The following NPAS2 variants were observed in gnomAD, a reference collection of about 807,000 sequenced individuals.
NPAS2 encodes neuronal PAS domain-containing protein 2.
In NPAS2, 23 loss-of-function variants were observed where a neutral mutation model predicts 107.5. The ratio of observed to expected loss-of-function variants is 0.21; its 90% CI spans 0.15 to 0.30. The LOEUF is 0.30. Among genes scored for constraint, NPAS2 ranks in the 10% least tolerant of loss-of-function variants. The probability of loss-of-function intolerance (pLI) is 1.00; values close to 1 mark genes in which losing one functional copy is unlikely to be tolerated. For synonymous variants in NPAS2, 403 were observed against 417.5 expected (o/e 0.97, Z 0.42); for missense variants, 756 against 1,043.3 (o/e 0.72, Z 3.79).
chr2:100,967,156 C>T (rs1676263349), intron 10 of NPAS2, among the ~76,000 whole-genome samples: 1 of 151,990 alleles, frequency 6.6e-6, no homozygotes, highest in Non-Finnish European at 1.5e-5. Flanking sequence ...TGGGCAAGAC[C>T]TCCTTGCCCT....
intron 1 of NPAS2, chr2:100,821,030 T>C (rs1185491125): frequency 7.7e-7 from 1 of 1,302,514 alleles, no homozygotes; most frequent in Non-Finnish European, 1.0e-6. Context: ...AGGTTGGATG[T>C]ATGCGTATGG....
At chr2:100,986,891 T>C (rs139187793) in intron 16 of NPAS2, 5 of 152,360 alleles carry the variant, frequency 3.3e-5, no homozygotes, top group African/African-American at 4.8e-5. Context: ...GGCAGACTTA[T>C]AAAGCTAAGA....
At chr2:100,982,569 G>A (rs1677514812) in intron 16 of NPAS2, 192 bp downstream of exon 16, 1 of 636,796 alleles carries the variant, frequency 1.6e-6, no homozygotes, top group Non-Finnish European at 2.7e-6. Context: ...CTGCCTCCAG[G>A]CCACACCCCT....
At chr2:100,898,249 C>T (rs750606428) in intron 1 of NPAS2, among the ~76,000 whole-genome samples, 8 of 152,186 alleles carry the variant, frequency 5.3e-5, no homozygotes, top group East Asian at 1.9e-4. Flanking sequence ...TTTGTAGAGA[C>T]GGAATCTTGC....
chr2:100,929,017 C>T (rs1203002382), intron 3 of NPAS2, among the ~76,000 whole-genome samples: 1 of 152,158 alleles, frequency 6.6e-6, no homozygotes, highest in East Asian at 1.9e-4. Flanking sequence ...GATTCTCCTG[C>T]CTTAGCTTCC....
chr2:100,974,777 A>C, intron 12 of NPAS2, 26 bp from the exon 13 acceptor site: 1 of 1,608,320 alleles, frequency 6.2e-7, no homozygotes, highest in Non-Finnish European at 8.5e-7. Flanking sequence ...TGCTGACATG[A>C]GGACTGTTTG....
intron 2 of NPAS2, among the ~76,000 whole-genome samples, chr2:100,909,850 C>A (rs1023894173): frequency 1.3e-5 from 2 of 151,636 alleles, no homozygotes; most frequent in African/African-American, 4.8e-5. Context: ...TGATTCTGTT[C>A]TCAAAACAAA....
rs1234348152 is a variant in NPAS2 at position 100,948,591 on chromosome 2, ATAAT to A, written c.484+238_484+241del. Among the ~76,000 whole-genome samples, 11 of 150,026 alleles carry A rather than the reference ATAAT, an allele frequency of 7.3e-5. 1 individual carries two copies. The highest frequency in any genetic ancestry group is 2.7e-4 in the African/African-American group (11 of 40,864). On this transcript the variant is annotated intron_variant, in intron 6 of 20. Transcript: ENST00000335681. ...TTTGAAAGCAGAGAACTCAAGAATAATAATTTATTTTGTGTATATGATAAGATTT... is the reference window on the plus strand; with the variant it reads ...TTTGAAAGCAGAGAACTCAAGAATAATTATTTTGTGTATATGATAAGATTT...
chr2:100,820,897 C>T lies in NPAS2; in HGVS notation c.-23+483C>T, dbSNP rs963161823. 24 of 492,580 alleles carry T rather than the reference C, an allele frequency of 4.9e-5. No homozygotes were observed. The highest frequency in any genetic ancestry group is 7.5e-5 in the Non-Finnish European group (22 of 294,796). The allele number at this position is 492,580 out of a possible 1,614,324, so 30.5% of individuals were successfully genotyped here. A position where few individuals can be genotyped will look rare whatever the true frequency, so the allele number is the denominator to read the frequency against. On this transcript the variant is annotated intron_variant, in intron 1 of 20. Coordinates refer to ENST00000335681, the MANE Select transcript of NPAS2 (RefSeq NM_002518.4). This position sits in a 1 kb window ranked among gnomAD's most constrained non-coding sequence, Gnocchi z 5.6. ...CCGCGGTCTCTCGGAGTCCCTGGGTCGGAATTGGTTCCGGGCCGGATTGGG... is the reference window on the plus strand; with the variant it reads ...CCGCGGTCTCTCGGAGTCCCTGGGTTGGAATTGGTTCCGGGCCGGATTGGG...
chr2:100,836,994 G>T (rs1486655462), intron 1 of NPAS2, among the ~76,000 whole-genome samples: 1 of 152,106 alleles, frequency 6.6e-6, no homozygotes, highest in Admixed American at 6.5e-5. Context: ...ACTTTAGTGT[G>T]GCTCATCTGG....
chr2:100,895,834 C>T (rs1347059853), intron 1 of NPAS2, among the ~76,000 whole-genome samples: 2 of 152,198 alleles, frequency 1.3e-5, no homozygotes, highest in Admixed American at 6.5e-5. Flanking sequence ...AGGCACTCTT[C>T]CTACCAATAT....
chr2:100,992,556 C>G lies in NPAS2; in HGVS notation c.2112-791C>G, dbSNP rs532891386. Reference sequence around the variant, plus strand: ...GTTTAAAAGTGTGTAGCCCCTCCCCCTCGTTCTCGATCTCCTCCCGGCCAT... The same window carrying G: ...GTTTAAAAGTGTGTAGCCCCTCCCCGTCGTTCTCGATCTCCTCCCGGCCAT... On this transcript the variant is annotated intron_variant, in intron 19 of 20. Coordinates refer to ENST00000335681, the MANE Select transcript of NPAS2 (RefSeq NM_002518.4). Among the ~76,000 whole-genome samples, 208 of 152,332 alleles carry G rather than the reference C, an allele frequency of 1.4e-3. 1 individual carries two copies. Among genetic ancestry groups the G allele is most frequent in the African/African-American group, 4.6e-3 (193 of 41,578 alleles).
chr2:100,941,290 G>A (rs1466630879), intron 5 of NPAS2, among the ~76,000 whole-genome samples: 3 of 152,220 alleles, frequency 2.0e-5, no homozygotes, highest in East Asian at 1.9e-4. Flanking sequence ...ACTGGCAGGC[G>A]CGGTGGCTCA....
At chr2:100,884,953 A>AAT (rs1680600425) in intron 1 of NPAS2, among the ~76,000 whole-genome samples, 1 of 146,042 alleles carries the variant, frequency 6.8e-6, no homozygotes, top group East Asian at 2.0e-4. Context: ...TATATATATA[A>AAT]TTTTTTTTTT....
intron 12 of NPAS2, among the ~76,000 whole-genome samples, chr2:100,973,103 C>G (rs1676704470): frequency 6.6e-6 from 1 of 151,806 alleles, no homozygotes; most frequent in South Asian, 2.1e-4. Context: ...CGCTTCAACC[C>G]AGGAGGCAGA....
At chr2:100,941,308 A>G (rs1674563173) in intron 5 of NPAS2, among the ~76,000 whole-genome samples, 1 of 152,222 alleles carries the variant, frequency 6.6e-6, no homozygotes, top group South Asian at 2.1e-4. Flanking sequence ...TCACGCCTGT[A>G]ATCTCTGCAC....
chr2:100,964,659 T>G (rs1212597546), intron 8 of NPAS2, among the ~76,000 whole-genome samples: 1 of 152,194 alleles, frequency 6.6e-6, no homozygotes, highest in South Asian at 2.1e-4. Flanking sequence ...CTCCTAGGTA[T>G]TTTTCCCTAG....
At position 100,846,869 on chromosome 2, in the gene NPAS2, C is replaced by G. The variant is rs1435339085; in HGVS notation, c.-23+26455C>G. On this transcript the variant is annotated intron_variant, in intron 1 of 20. Transcript: ENST00000335681. Reference sequence around the variant, plus strand: ...CTGAGGCCCAGAAAGGTTCAGCCATCTGCCTGAGGTCACACAGCCACAGTT... The same window carrying G: ...CTGAGGCCCAGAAAGGTTCAGCCATGTGCCTGAGGTCACACAGCCACAGTT... 2.0e-5 allele frequency: 3 copies of G among 152,216 alleles called. No homozygotes were observed. The East Asian group carries it at 5.8e-4, about 29-fold the overall frequency. 9.4% of individuals were successfully genotyped at this position (152,216 alleles called of 1,614,324 possible).
At chr2:100,995,266 T>A in intron 20 of NPAS2, 134 bp from the exon 21 acceptor site, 5 of 653,936 alleles carry the variant, frequency 7.6e-6, no homozygotes, top group Non-Finnish European at 1.2e-5. Context: ...GAGCCACCTC[T>A]CCCCACATGA....
Sources: allele counts gnomAD v4.1 joint callset (sites outside exome capture counted in the v4.1 genomes callset), GRCh38; gene constraint gnomAD v4.1.1; non-coding constraint Gnocchi (gnomAD v3.1); transcripts MANE v1.5; gene names NCBI Gene and HGNC (gene_info 2026-07-23, HGNC 2026-07-21).